LRRC7: variants seen among roughly 807,000 people sequenced by gnomAD.
LRRC7 encodes leucine rich repeat containing 7.
Under a neutral mutation model 175.7 loss-of-function variants are expected in LRRC7, and 23 were observed. That is an observed-to-expected ratio of 0.13 (90% confidence interval 0.09 to 0.19). The LOEUF (loss-of-function observed/expected upper bound fraction) is 0.19. LRRC7 is among the 10% of genes least tolerant of loss of function. The probability of loss-of-function intolerance (pLI) is 1.00; values close to 1 mark genes in which losing one functional copy is unlikely to be tolerated. For missense variants in LRRC7, 1,354 were observed against 1,904.7 expected (o/e 0.71, Z 5.38); for synonymous variants, 685 against 680.9 (o/e 1.01, Z -0.09).
chr1:69,628,313 C>G (rs1651933579), intron 1 of LRRC7, among the ~76,000 whole-genome samples: 1 of 152,100 alleles, frequency 6.6e-6, no homozygotes, highest in African/African-American at 2.4e-5. Context: ...ACACAAAAGT[C>G]AGTTGCTTTT....
chr1:69,612,776 C>T (rs996951435), intron 1 of LRRC7, among the ~76,000 whole-genome samples: 7 of 151,922 alleles, frequency 4.6e-5, no homozygotes, highest in East Asian at 1.9e-4. Context: ...CCTATATAGT[C>T]GTTTTTACAA....
At chr1:70,010,278 G>T (rs967988617) in intron 11 of LRRC7, among the ~76,000 whole-genome samples, 7 of 152,086 alleles carry the variant, frequency 4.6e-5, no homozygotes, top group Admixed American at 3.9e-4. Context: ...CATAAAAAAG[G>T]ATGCTGACCA....
chr1:69,795,162 G>A (rs1389122854), intron 4 of LRRC7, among the ~76,000 whole-genome samples: 4 of 152,066 alleles, frequency 2.6e-5, no homozygotes, highest in East Asian at 1.9e-4. Context: ...CCAGGGGATC[G>A]TGAGGTCGGG....
At chr1:69,594,922 G>GA (rs1019819375) in intron 1 of LRRC7, among the ~76,000 whole-genome samples, 1 of 151,766 alleles carries the variant, frequency 6.6e-6, no homozygotes, top group Non-Finnish European at 1.5e-5. Context: ...TAAACTATAT[G>GA]AAAAAATGAA....
intron 1 of LRRC7, among the ~76,000 whole-genome samples, chr1:69,577,509 G>A (rs551157581): frequency 6.6e-6 from 1 of 152,096 alleles, no homozygotes; most frequent in African/African-American, 2.4e-5. Flanking sequence ...TTTTATGGTT[G>A]TAGGTCTAAC....
At chr1:69,717,139 G>A (rs1488145537) in intron 2 of LRRC7, among the ~76,000 whole-genome samples, 1 of 151,106 alleles carries the variant, frequency 6.6e-6, no homozygotes, top group African/African-American at 2.4e-5. Context: ...TTATTCAATA[G>A]TAATGATTAA....
rs759595225 is a variant in LRRC7, at chr1:69,671,980, G to C, written c.3-6401G>C. 3.9e-5 allele frequency among the ~76,000 whole-genome samples: 6 copies of C among 152,170 alleles called. No homozygotes were observed. The East Asian group carries it at 7.7e-4, about 20-fold the overall frequency. ...AACCAAGCACTGTGAGTGTTCACCT[G>C]GTTTTTGGTTCTTATGAAGGCACTT... On this transcript the variant is annotated intron_variant, in intron 1 of 26. Coordinates refer to ENST00000651989, the MANE Select transcript of LRRC7 (RefSeq NM_001370785.2).
At chr1:69,983,802 T>G (rs1424462696) in intron 9 of LRRC7, among the ~76,000 whole-genome samples, 5 of 152,196 alleles carry the variant, frequency 3.3e-5, no homozygotes, top group Non-Finnish European at 7.3e-5. Flanking sequence ...TCCTAAACAC[T>G]CTCAAAAACT....
At chr1:69,992,784 A>G (rs1432836233) in intron 10 of LRRC7, among the ~76,000 whole-genome samples, 2 of 152,180 alleles carry the variant, frequency 1.3e-5, no homozygotes, top group Admixed American at 6.5e-5. Context: ...AGTCTTCAGG[A>G]TAATCTGTCA....
intron 7 of LRRC7, among the ~76,000 whole-genome samples, chr1:69,862,802 C>T (rs565795937): frequency 7.9e-5 from 12 of 152,098 alleles, no homozygotes; most frequent in African/African-American, 1.7e-4. Flanking sequence ...CCCATCAACC[C>T]GTCACCTACT....
intron 1 of LRRC7, among the ~76,000 whole-genome samples, chr1:69,654,713 T>C (rs1656358591): frequency 6.6e-6 from 1 of 152,116 alleles, no homozygotes; most frequent in Non-Finnish European, 1.5e-5. Flanking sequence ...TAACTGCTAT[T>C]AGGTTTCAAG....
At chr1:69,912,723 T>C (rs1319026266) in intron 7 of LRRC7, among the ~76,000 whole-genome samples, 1 of 152,316 alleles carries the variant, frequency 6.6e-6, no homozygotes, top group East Asian at 1.9e-4. Flanking sequence ...GAATAATTGG[T>C]TCTGGTTATA....
At chr1:69,638,215 G>A (rs531943895) in intron 1 of LRRC7, among the ~76,000 whole-genome samples, 8 of 151,906 alleles carry the variant, frequency 5.3e-5, no homozygotes, top group Middle Eastern at 3.4e-3. Flanking sequence ...TCTCAGTAGC[G>A]TTTAACACTA....
At chr1:69,919,316 A>G (rs1179685624) in intron 7 of LRRC7, 2 of 567,260 alleles carry the variant, frequency 3.5e-6, no homozygotes, top group Non-Finnish European at 6.3e-6. Context: ...CCGTGTTCCA[A>G]TAAAACTTTA....
At chr1:69,817,825 T>C (rs1254187098) in intron 4 of LRRC7, among the ~76,000 whole-genome samples, 1 of 152,154 alleles carries the variant, frequency 6.6e-6, no homozygotes, top group Admixed American at 6.6e-5. Flanking sequence ...AAGTTTTCAG[T>C]GATACAGATT....
intron 5 of LRRC7, among the ~76,000 whole-genome samples, chr1:69,832,904 A>G (rs1301470471): frequency 1.3e-5 from 2 of 152,132 alleles, no homozygotes; most frequent in Non-Finnish European, 2.9e-5. Flanking sequence ...CAGGAGTTTG[A>G]GACCAGCCTG....
At chr1:69,766,617 G>A (rs1409158704) in intron 3 of LRRC7, among the ~76,000 whole-genome samples, 1 of 152,134 alleles carries the variant, frequency 6.6e-6, no homozygotes, top group Non-Finnish European at 1.5e-5. Context: ...CACGTTGATG[G>A]TGTCTTCATT....
intron 11 of LRRC7, among the ~76,000 whole-genome samples, chr1:70,000,714 C>A (rs1331215743): frequency 6.6e-6 from 1 of 152,146 alleles, no homozygotes; most frequent in Non-Finnish European, 1.5e-5. Flanking sequence ...ACTTCACATC[C>A]TCTAGGTCCA....
chr1:70,061,587 T>C (rs1460790341), intron 23 of LRRC7, among the ~76,000 whole-genome samples: 2 of 152,186 alleles, frequency 1.3e-5, no homozygotes, highest in African/African-American at 2.4e-5. Flanking sequence ...TAATTTTTAA[T>C]TTAAAAAATG....
Sources: allele counts gnomAD v4.1 joint callset (sites outside exome capture counted in the v4.1 genomes callset), GRCh38; gene constraint gnomAD v4.1.1; transcripts MANE v1.5; gene names NCBI Gene and HGNC (gene_info 2026-07-23, HGNC 2026-07-21).